DNER: variants seen among roughly 807,000 people sequenced by gnomAD.
The protein encoded by DNER is delta/notch like EGF repeat containing.
A neutral mutation model predicts 78.2 loss-of-function variants in DNER; 33 were observed. That is an observed-to-expected ratio of 0.42 (90% confidence interval 0.32 to 0.56). DNER has a LOEUF of 0.56. Among genes scored for constraint, DNER ranks in the 20% least tolerant of loss-of-function variants. The pLI is 0.11. For synonymous variants in DNER, 417 were observed against 384.8 expected, an observed-to-expected ratio of 1.08 and a Z score of -0.98; for missense variants, 918 against 975.3, an observed-to-expected ratio of 0.94 and a Z score of 0.78.
chr2:229,609,010 G>T (rs1445396229), intron 1 of DNER, among the ~76,000 whole-genome samples: 1 of 152,104 alleles, frequency 6.6e-6, no homozygotes, highest in Non-Finnish European at 1.5e-5. Context: ...ATCACTTGAG[G>T]TCAGGAGTTC....
At chr2:229,376,605 T>G (rs890925083) in intron 11 of DNER, among the ~76,000 whole-genome samples, 1 of 152,240 alleles carries the variant, frequency 6.6e-6, no homozygotes, top group Non-Finnish European at 1.5e-5. Context: ...AAATACCATG[T>G]GACATTTTAA....
At chr2:229,706,894 T>G (rs1467885611) in intron 1 of DNER, among the ~76,000 whole-genome samples, 1 of 152,226 alleles carries the variant, frequency 6.6e-6, no homozygotes, top group East Asian at 1.9e-4. Context: ...AGTTTGGTTT[T>G]GATTTTTTTT....
intron 4 of DNER, among the ~76,000 whole-genome samples, chr2:229,580,838 A>G (rs1697379196): frequency 6.6e-6 from 1 of 152,220 alleles, no homozygotes; most frequent in Non-Finnish European, 1.5e-5. Flanking sequence ...CCTGGAATTT[A>G]GCAGTTAAAG....
chr2:229,481,678 C>T (rs1695161231), intron 6 of DNER, among the ~76,000 whole-genome samples: 1 of 152,162 alleles, frequency 6.6e-6, no homozygotes, highest in South Asian at 2.1e-4. Flanking sequence ...CCTGGGTTTT[C>T]TTTCTTCCAT....
intron 1 of DNER, among the ~76,000 whole-genome samples, chr2:229,648,671 T>A (rs1216144749): frequency 6.6e-6 from 1 of 152,228 alleles, no homozygotes; most frequent in Non-Finnish European, 1.5e-5. Context: ...TCTTTAGTTT[T>A]GCACTGGAAC....
At chr2:229,376,059 C>A (rs1692591938) in intron 11 of DNER, among the ~76,000 whole-genome samples, 1 of 152,196 alleles carries the variant, frequency 6.6e-6, no homozygotes. Flanking sequence ...TTCCCCTTCG[C>A]CTTTTGCCGT....
chr2:229,609,788 T>G (rs1698010254), intron 1 of DNER, among the ~76,000 whole-genome samples: 1 of 152,234 alleles, frequency 6.6e-6, no homozygotes, highest in Admixed American at 6.5e-5. Context: ...TTCTGTGGAT[T>G]GTACATTCTA....
intron 1 of DNER, among the ~76,000 whole-genome samples, chr2:229,658,232 C>A (rs149120527): frequency 1.2e-4 from 18 of 152,338 alleles, no homozygotes; most frequent in African/African-American, 4.1e-4. Flanking sequence ...GACTCTCTGA[C>A]CTTAACATAT....
chr2:229,612,902 A>G (rs1698075235), intron 1 of DNER, among the ~76,000 whole-genome samples: 1 of 152,262 alleles, frequency 6.6e-6, no homozygotes, highest in Non-Finnish European at 1.5e-5. Context: ...GAAAGCAAGA[A>G]CGTATTCCAA....
chr2:229,483,046 G>A (rs574570886), intron 6 of DNER, among the ~76,000 whole-genome samples: 41 of 152,286 alleles, frequency 2.7e-4, no homozygotes, highest in Non-Finnish European at 5.9e-4. Context: ...CAGGGGCTGT[G>A]GGTTTTGAAA....
At chr2:229,587,033 T>TTC in intron 3 of DNER, 1 of 978,014 alleles carries the variant, frequency 1.0e-6, no homozygotes, top group African/African-American at 1.7e-5. Flanking sequence ...TTCGGTCCCG[T>TTC]TCTGCAGCTT....
intron 11 of DNER, among the ~76,000 whole-genome samples, chr2:229,378,034 T>G (rs372224514): frequency 5.3e-5 from 8 of 151,688 alleles, no homozygotes; most frequent in African/African-American, 1.7e-4. Flanking sequence ...GACAATTGAG[T>G]GATGAGAATG....
At chr2:229,423,995 G>A (rs538162233) in intron 8 of DNER, among the ~76,000 whole-genome samples, 52 of 152,332 alleles carry the variant, frequency 3.4e-4, no homozygotes, top group Non-Finnish European at 6.0e-4. Context: ...TGCAAACGCA[G>A]TATTCACAGC....
intron 1 of DNER, among the ~76,000 whole-genome samples, chr2:229,688,494 G>T (rs1211818792): frequency 1.3e-5 from 2 of 152,194 alleles, no homozygotes; most frequent in Admixed American, 6.5e-5. Context: ...CCATCTTTGG[G>T]TTCCTGGGAT....
chr2:229,631,090 T>C (rs959961092), intron 1 of DNER, among the ~76,000 whole-genome samples: 2 of 152,244 alleles, frequency 1.3e-5, no homozygotes, highest in African/African-American at 4.8e-5. Flanking sequence ...AATAGCACTG[T>C]GACAAACATG....
intron 4 of DNER, among the ~76,000 whole-genome samples, chr2:229,555,577 G>A (rs1418705586): frequency 6.6e-6 from 1 of 152,130 alleles, no homozygotes; most frequent in Non-Finnish European, 1.5e-5. Context: ...TTTGTATCTT[G>A]GGTGGCTTCT....
At chr2:229,454,859 G>A (rs2106365402) in intron 7 of DNER, among the ~76,000 whole-genome samples, 1 of 152,148 alleles carries the variant, frequency 6.6e-6, no homozygotes, top group East Asian at 1.9e-4. Flanking sequence ...TACACTTTTG[G>A]TATATTATAC....
intron 7 of DNER, among the ~76,000 whole-genome samples, chr2:229,462,788 A>T (rs1235125584): frequency 6.6e-6 from 1 of 152,046 alleles, no homozygotes; most frequent in Non-Finnish European, 1.5e-5. Context: ...GCAGCTCACC[A>T]GTCTTACGCC....
chr2:229,555,738 T>G (rs562162737), intron 4 of DNER, among the ~76,000 whole-genome samples: 1 of 152,096 alleles, frequency 6.6e-6, no homozygotes. Context: ...ATCCAATATG[T>G]CCACTTTGAA....
Sources: gnomAD v4.1 joint callset for allele counts (sites outside exome capture counted in the v4.1 genomes callset) on GRCh38, gnomAD v4.1.1 for gene constraint, MANE v1.5 for transcripts, NCBI Gene and HGNC (gene_info 2026-07-23, HGNC 2026-07-21) for gene names.